The following KCNQ5 variants were observed in gnomAD, a reference collection of about 807,000 sequenced individuals.
KCNQ5 encodes the protein potassium voltage-gated channel subfamily Q member 5.
Under a neutral mutation model 98.2 loss-of-function variants are expected in KCNQ5, and 30 were observed. That is an observed-to-expected ratio of 0.31 (90% CI 0.23 to 0.41). The LOEUF is 0.41. KCNQ5 is among the 10% of genes least tolerant of loss of function. The probability of loss-of-function intolerance (pLI) is 1.00; values close to 1 mark genes in which losing one functional copy is unlikely to be tolerated. For synonymous variants in KCNQ5, 458 were observed against 449.4 expected, an observed-to-expected ratio of 1.02 and a Z score of -0.24; for missense variants, 835 against 1,182.5, an observed-to-expected ratio of 0.71 and a Z score of 4.31.
intron 1 of KCNQ5, among the ~76,000 whole-genome samples, chr6:72,663,561 G>A (rs1766635373): frequency 6.6e-6 from 1 of 152,044 alleles, no homozygotes; most frequent in African/African-American, 2.4e-5. Flanking sequence ...TTCAGATTTT[G>A]GTTATAAGTA....
intron 2 of KCNQ5, among the ~76,000 whole-genome samples, chr6:73,024,830 C>A (rs1312822815): frequency 2.6e-5 from 4 of 152,190 alleles, no homozygotes; most frequent in South Asian, 2.1e-4. Flanking sequence ...CAGGCCCTAG[C>A]CTATAAATGT....
intron 1 of KCNQ5, among the ~76,000 whole-genome samples, chr6:72,981,395 A>G (rs1164122575): frequency 6.6e-6 from 1 of 152,128 alleles, no homozygotes; most frequent in Non-Finnish European, 1.5e-5. Flanking sequence ...GGGAGGGTGT[A>G]TATGTATAGG....
At chr6:72,722,676 G>A (rs760981808) in intron 1 of KCNQ5, among the ~76,000 whole-genome samples, 5 of 151,884 alleles carry the variant, frequency 3.3e-5, no homozygotes, top group East Asian at 1.9e-4. Context: ...GGCATAGCTC[G>A]GATTATTGTC....
At chr6:72,658,579 T>TATATATATATATATATATATATA (rs34408725) in intron 1 of KCNQ5, among the ~76,000 whole-genome samples, 3 of 69,638 alleles carry the variant, frequency 4.3e-5, no homozygotes, top group Non-Finnish European at 8.1e-5. Flanking sequence ...TATATATATA[T>TATATATATATATATATATATATA]TTTTTTTTTT....
At chr6:73,116,586 G>C (rs1451812006) in intron 7 of KCNQ5, among the ~76,000 whole-genome samples, 3 of 152,168 alleles carry the variant, frequency 2.0e-5, no homozygotes, top group Non-Finnish European at 4.4e-5. Flanking sequence ...TGAAGCCAGA[G>C]GATTGGTTGA....
intron 1 of KCNQ5, among the ~76,000 whole-genome samples, chr6:72,660,347 A>G (rs1236806914): frequency 6.6e-6 from 1 of 152,216 alleles, no homozygotes; most frequent in African/African-American, 2.4e-5. Context: ...GTCAGATTCT[A>G]GAGCGCGGAC....
At chr6:72,985,725 C>A (rs1451488941) in intron 1 of KCNQ5, among the ~76,000 whole-genome samples, 1 of 152,168 alleles carries the variant, frequency 6.6e-6, no homozygotes, top group Non-Finnish European at 1.5e-5. Flanking sequence ...TAAATTAGTT[C>A]AACTACTTTG....
At chr6:72,705,482 TTAAG>T (rs1769024018) in intron 1 of KCNQ5, among the ~76,000 whole-genome samples, 1 of 152,244 alleles carries the variant, frequency 6.6e-6, no homozygotes, top group Non-Finnish European at 1.5e-5. Context: ...ACAGGAAACT[TTAAG>T]TAGGTGCAGA....
intron 3 of KCNQ5, among the ~76,000 whole-genome samples, chr6:73,074,959 A>G (rs1476489776): frequency 6.6e-6 from 1 of 152,204 alleles, no homozygotes; most frequent in African/African-American, 2.4e-5. Context: ...AGCAAAATGT[A>G]TGTCCAACAG....
chr6:73,051,447 T>A (rs375262479), intron 3 of KCNQ5, among the ~76,000 whole-genome samples: 2 of 152,166 alleles, frequency 1.3e-5, no homozygotes, highest in East Asian at 3.9e-4. Context: ...AACAAAGTGG[T>A]TTGGCTGGCA....
intron 1 of KCNQ5, among the ~76,000 whole-genome samples, chr6:72,670,759 C>T (rs1767062977): frequency 6.6e-6 from 1 of 152,096 alleles, no homozygotes; most frequent in Non-Finnish European, 1.5e-5. Flanking sequence ...CGTGTCTCTT[C>T]TTATAAGGAC....
At chr6:73,170,835 G>A (rs921479736) in intron 11 of KCNQ5, among the ~76,000 whole-genome samples, 5 of 152,148 alleles carry the variant, frequency 3.3e-5, no homozygotes, top group Non-Finnish European at 2.9e-5. Context: ...TTGGGAGGCT[G>A]AGGCAGGAGA....
chr6:72,703,530 A>T (rs1254905061), intron 1 of KCNQ5, among the ~76,000 whole-genome samples: 4 of 152,196 alleles, frequency 2.6e-5, no homozygotes, highest in African/African-American at 4.8e-5. Flanking sequence ...GAAAGGCTGA[A>T]AATAGTTAGT....
chr6:72,666,828 A>G (rs559434768), intron 1 of KCNQ5, among the ~76,000 whole-genome samples: 2 of 152,336 alleles, frequency 1.3e-5, no homozygotes, highest in Non-Finnish European at 2.9e-5. Flanking sequence ...CTTATTAAGT[A>G]TATTCATGAT....
chr6:73,092,598 T>C (rs1774300199), intron 5 of KCNQ5, among the ~76,000 whole-genome samples: 1 of 152,210 alleles, frequency 6.6e-6, no homozygotes, highest in Non-Finnish European at 1.5e-5. Flanking sequence ...TGTACCAGTT[T>C]TGTTGAGAGT....
chr6:73,119,322 T>C (rs1775650026), intron 7 of KCNQ5, among the ~76,000 whole-genome samples: 2 of 152,252 alleles, frequency 1.3e-5, no homozygotes, highest in South Asian at 4.1e-4. Flanking sequence ...TTGTCTCAAC[T>C]CCACCAACTT....
intron 1 of KCNQ5, among the ~76,000 whole-genome samples, chr6:72,641,030 T>C (rs1367357640): frequency 6.6e-6 from 1 of 152,188 alleles, no homozygotes; most frequent in African/African-American, 2.4e-5. Context: ...TGGCAAAAGA[T>C]AGTAATTTCC....
intron 1 of KCNQ5, among the ~76,000 whole-genome samples, chr6:72,792,991 G>C (rs993179901): frequency 6.6e-6 from 1 of 152,118 alleles, no homozygotes; most frequent in Non-Finnish European, 1.5e-5. Flanking sequence ...CCCACCTCCT[G>C]GGAGAGTTTT....
intron 5 of KCNQ5, among the ~76,000 whole-genome samples, chr6:73,078,996 G>A (rs1582313023): frequency 6.6e-6 from 1 of 152,132 alleles, no homozygotes; most frequent in Non-Finnish European, 1.5e-5. Flanking sequence ...GTATTCCAAA[G>A]GGGAGTTATA....
Sources: allele counts gnomAD v4.1 joint callset (sites outside exome capture counted in the v4.1 genomes callset), GRCh38; gene constraint gnomAD v4.1.1; transcripts MANE v1.5; gene names NCBI Gene and HGNC (gene_info 2026-07-23, HGNC 2026-07-21).